Variants in CPT1C observed in about 807,000 individuals in gnomAD.
CPT1C encodes palmitoyl thioesterase CPT1C.
CPT1C carries 61 observed loss-of-function variants against 97.3 expected under a neutral mutation model. That is an observed-to-expected ratio of 0.63 (90% CI 0.51 to 0.78). The LOEUF is 0.78. Ranked by LOEUF, CPT1C falls within the 30% of genes least tolerant of loss-of-function variation. The pLI is 0.00. For missense variants in CPT1C, 975 were observed against 1,065.5 expected, an observed-to-expected ratio of 0.92 and a Z score of 1.18; for synonymous variants, 469 against 447.2, an observed-to-expected ratio of 1.05 and a Z score of -0.61.
rs905790739 is a variant in CPT1C, at chr19:49,707,690, C to T, written c.1449+67C>T. 5.9e-5 allele frequency: 62 copies of T among 1,044,640 alleles called. 1 individual carries two copies. Among genetic ancestry groups the T allele is most frequent in the South Asian group, 1.9e-4 (13 of 68,574 alleles). 64.7% of individuals were successfully genotyped at this position (1,044,640 alleles called of 1,614,324 possible). On this transcript the variant is annotated intron_variant, in intron 13 of 19. Transcript: ENST00000598293. ...CATCTCCAAAGACCGTCCTCTCCAG[C>T]GCCTTAGTGTCAGAAGAAAAACTGA...
In CPT1C at chr19:49,702,078, TA is replaced by T. The variant is rs2083173324; in HGVS notation, c.693+447del. 1.7e-5 allele frequency among the ~76,000 whole-genome samples: 2 copies of T among 114,618 alleles called. 1 individual carries two copies. The highest frequency in any genetic ancestry group is 4.6e-4 in the South Asian group (2 of 4,340). The allele number at this position is 114,618 out of a possible 152,430, so 75.2% of individuals were successfully genotyped here. On this transcript the variant is annotated intron_variant, in intron 7 of 19. Coordinates refer to ENST00000598293, the MANE Select transcript of CPT1C (RefSeq NM_001199753.2). ...TAAATATATATTTATTTATAAATTA[TA>T]AATATATATTTATTTATAAATTATA... is the stretch of plus-strand genomic sequence containing the variant.
intron 12 of CPT1C, among the ~76,000 whole-genome samples, chr19:49,707,286 AAAAC>A (rs757180132): frequency 3.9e-4 from 60 of 152,186 alleles, no homozygotes; most frequent in East Asian, 1.5e-3. Context: ...ACTCCATCTC[AAAAC>A]AAACAAACAA....
chr19:49,706,222 G>T lies in CPT1C; in HGVS notation c.1161-9G>T. ...CAGGATGGACTCAGGCACATCCCGG[G>T]CCCTCCAGGGGCACGTGGGCCCAGG... On this transcript the variant is annotated splice_polypyrimidine_tract_variant and intron_variant, in intron 11 of 19. Transcript: ENST00000598293. This position sits in a 1 kb window ranked among gnomAD's most constrained non-coding sequence, Gnocchi z 4.8. 4.6e-6 allele frequency: 7 copies of T among 1,533,666 alleles called. No homozygotes were observed. The highest frequency in any genetic ancestry group is 6.1e-6 in the Non-Finnish European group (7 of 1,141,832).
chr19:49,703,771 T>C (rs1469396537), intron 7 of CPT1C, among the ~76,000 whole-genome samples: 1 of 151,846 alleles, frequency 6.6e-6, no homozygotes. Flanking sequence ...TAGCTGGGAC[T>C]ACAGGCATGT....
At chr19:49,712,359 AG>A in intron 17 of CPT1C, 1 of 290,530 alleles carries the variant, frequency 3.4e-6, no homozygotes, top group African/African-American at 2.2e-5. Flanking sequence ...AAAAAAAAAA[AG>A]GAGGGTGATG....
intron 14 of CPT1C, among the ~76,000 whole-genome samples, chr19:49,709,366 G>A (rs57999568): frequency 0.035 from 5,084 of 145,178 alleles, 289 homozygotes; most frequent in African/African-American, 0.12. Context: ...ACCCCATCCC[G>A]TACTCAGCCA....
chr19:49,708,002 CAAAAAAA>C (rs60276067), intron 13 of CPT1C, among the ~76,000 whole-genome samples: 627 of 56,770 alleles, frequency 0.011, 6 homozygotes, highest in Middle Eastern at 0.028. Context: ...GAATACATCT[CAAAAAAA>C]AAAAAAAAAA....
chr19:49,704,636 G>A (rs941434413), intron 7 of CPT1C, 74 bp from the exon 8 acceptor site: 3 of 1,175,234 alleles, frequency 2.6e-6, no homozygotes, highest in South Asian at 2.6e-5. Flanking sequence ...AGCATCTGGG[G>A]CCTTCCCTGT....
rs769671385 is a variant in CPT1C, at chr19:49,710,707, C to T, written c.1732-16C>T. 1.0e-5 allele frequency: 16 copies of T among 1,605,340 alleles called. No individual in the cohort carries two copies. In the East Asian group the frequency reaches 1.8e-4, roughly 18 times the overall value. The stretch of plus-strand genomic sequence containing the variant: ...AGCCCAGCTGACAGACTCCTCTTCT[C>T]CTCCCTGTCCCCCAGGACAGGGGTC... On this transcript the variant is annotated splice_polypyrimidine_tract_variant and intron_variant, in intron 15 of 19. Transcript: ENST00000598293.
chr19:49,699,441 T>C (rs1443458638), intron 4 of CPT1C, among the ~76,000 whole-genome samples: 4 of 82,902 alleles, frequency 4.8e-5, no homozygotes, highest in African/African-American at 9.8e-5. Flanking sequence ...CTGGGCAACA[T>C]AGAGACCCCT....
chr19:49,702,035 ATATT>A (rs1248599641), intron 7 of CPT1C, among the ~76,000 whole-genome samples: 1 of 98,978 alleles, frequency 1.0e-5, no homozygotes, highest in Admixed American at 1.4e-4. Flanking sequence ...TTATAAATAT[ATATT>A]TATTTATAAA....
chr19:49,701,250 G>A (rs1009547018), intron 5 of CPT1C, 67 bp from the exon 6 acceptor site: 1 of 1,370,650 alleles, frequency 7.3e-7, no homozygotes. Flanking sequence ...TCCCACTGTC[G>A]ACCCCTGCCC....
Position 49,712,767 on chromosome 19 carries a change from G to A in CPT1C, c.2051G>A (p.Ser684Asn). ...TCGGAGCAGTGGCAGCTGTCCACCA[G>A]CCAGATCCCTGTTCAGCAAATGCAT... ...VHSEQWQLST[S>N]QIPVQQMHLF... Residue 684 changes from serine (S) to asparagine (N), a missense_variant, in exon 18 of 20, where the codon AGC becomes AAC. By Grantham distance (46) the Ser-to-Asn change is conservative. Transcript: ENST00000598293. 1 of 1,614,074 alleles carries A rather than the reference G, an allele frequency of 6.2e-7. No homozygotes were observed. Among genetic ancestry groups the A allele is most frequent in the Non-Finnish European group, 8.5e-7 (1 of 1,179,950 alleles).
At chr19:49,695,609 A>G (rs1180468589) in intron 3 of CPT1C, among the ~76,000 whole-genome samples, 1 of 106,674 alleles carries the variant, frequency 9.4e-6, no homozygotes, top group Non-Finnish European at 1.8e-5. Flanking sequence ...TTTTTTTGAC[A>G]TGGAGTCAGT....
At position 49,706,146 on chromosome 19, in the gene CPT1C, C is replaced by T. The variant is rs764165874; in HGVS notation, c.1160+42C>T. 5 of 1,584,940 alleles carry T rather than the reference C, an allele frequency of 3.2e-6. No homozygotes were observed. The highest frequency in any genetic ancestry group is 4.3e-6 in the Non-Finnish European group (5 of 1,164,038). On this transcript the variant is annotated intron_variant, in intron 11 of 19. Transcript: ENST00000598293. This position sits in a 1 kb window ranked among gnomAD's most constrained non-coding sequence, Gnocchi z 4.8. ...AGGGGTCAGGGGCTCTCAGAGGCCG[C>T]CAGTGTCCTGAGACTGTGGAAGGGC...
rs968222936 is a variant in CPT1C, at chr19:49,697,664, G to C, written c.281+199G>C. ...TCACCCCTGTAATCCCAGCACATTG[G>C]GCATTGGGAGGCTGAGGTGGGTGTA... On this transcript the variant is annotated intron_variant, in intron 4 of 19. Transcript: ENST00000598293. The C allele has an allele frequency of 2.2e-5, 12 of 537,044 alleles. No homozygotes were observed. In the African/African-American group the frequency reaches 2.3e-4, roughly 10 times the overall value. 33.3% of individuals were successfully genotyped at this position (537,044 alleles called of 1,614,324 possible).
intron 14 of CPT1C, 134 bp downstream of exon 14, chr19:49,708,973 C>G: frequency 3.2e-6 from 2 of 624,962 alleles, no homozygotes; most frequent in Non-Finnish European, 2.8e-6. Context: ...ATGCTTCCCC[C>G]ACCCCCAAAT....
chr19:49,692,223 ACT>A lies in CPT1C; in HGVS notation c.-14-13_-14-12del, dbSNP rs1555773646. On this transcript the variant is annotated splice_polypyrimidine_tract_variant and intron_variant, in intron 2 of 19. Transcript: ENST00000598293. ...GGAGGGGCTGGGGTCCTGAAGTATG[ACT>A]CTGCCCGACTCAGGGCTCCAGCGTG... 2 of 1,610,946 alleles carry A rather than the reference ACT, an allele frequency of 1.2e-6. No individual in the cohort carries two copies. Among genetic ancestry groups the A allele is most frequent in the Non-Finnish European group, 1.7e-6 (2 of 1,179,708 alleles).
At chr19:49,698,874 G>A (rs1262944073) in intron 4 of CPT1C, among the ~76,000 whole-genome samples, 4 of 151,696 alleles carry the variant, frequency 2.6e-5, no homozygotes, top group East Asian at 1.9e-4. Flanking sequence ...AGGCTGAGGC[G>A]GGTGGATCAC....
Sources: gnomAD v4.1 joint callset for allele counts (sites outside exome capture counted in the v4.1 genomes callset) on GRCh38, gnomAD v4.1.1 for gene constraint, Gnocchi (gnomAD v3.1) non-coding constraint, MANE v1.5 for transcripts, NCBI Gene and HGNC (gene_info 2026-07-23, HGNC 2026-07-21) for gene names.